FGF14: variants seen among roughly 807,000 people sequenced by gnomAD.
FGF14 encodes fibroblast growth factor 14, also known as fibroblast growth factor homologous factor 4.
FGF14 carries 5 observed loss-of-function variants against 25.5 expected under a neutral mutation model. That is an observed-to-expected ratio of 0.20 (90% CI 0.10 to 0.41). The LOEUF (loss-of-function observed/expected upper bound fraction) is 0.41, where lower values mean the gene tolerates loss of function less well. Ranked by LOEUF, FGF14 falls within the 10% of genes least tolerant of loss-of-function variation. The probability of loss-of-function intolerance (pLI) is 1.00; values close to 1 mark genes in which losing one functional copy is unlikely to be tolerated. For synonymous variants in FGF14, 138 were observed against 118.3 expected, an observed-to-expected ratio of 1.17 and a Z score of -1.08; for missense variants, 222 against 320.1, an observed-to-expected ratio of 0.69 and a Z score of 2.34.
At chr13:102,308,845 T>C (rs1480016056) in intron 1 of FGF14, among the ~76,000 whole-genome samples, 4 of 149,278 alleles carry the variant, frequency 2.7e-5, no homozygotes, top group African/African-American at 4.9e-5. Flanking sequence ...TGGGGTGTTA[T>C]TGGGGGCAGA....
At chr13:101,822,656 G>A (rs1237323743) in intron 3 of FGF14, among the ~76,000 whole-genome samples, 1 of 152,136 alleles carries the variant, frequency 6.6e-6, no homozygotes, top group Non-Finnish European at 1.5e-5. Context: ...ATATGAGCAT[G>A]CATTGTGTAA....
At chr13:101,831,518 C>A (rs992265683) in intron 3 of FGF14, among the ~76,000 whole-genome samples, 45 of 152,198 alleles carry the variant, frequency 3.0e-4, no homozygotes, top group African/African-American at 1.0e-3. Flanking sequence ...AAAAACACTG[C>A]AACATACATT....
chr13:102,188,037 G>C lies in FGF14; in HGVS notation c.208+213434C>G, dbSNP rs187240457. Among the ~76,000 whole-genome samples the C allele has an allele frequency of 3.0e-3, 450 of 152,256 alleles. 10 individuals carry two copies. Among genetic ancestry groups the C allele is most frequent in the Non-Finnish European group, 7.4e-4 (50 of 68,020 alleles). ...TAAATTTAACAAATATTTATAGAGT[G>C]CTTATTTTCTGGAAAATACTGAACA... On this transcript the variant is annotated intron_variant, in intron 1 of 4. Coordinates refer to the FGF14 transcript ENST00000376131.
At chr13:101,797,021 C>G (rs1172575635) in intron 3 of FGF14, among the ~76,000 whole-genome samples, 3 of 151,966 alleles carry the variant, frequency 2.0e-5, no homozygotes, top group Non-Finnish European at 4.4e-5. Context: ...AAAGCCAGAC[C>G]CAGCACCCAA....
intron 1 of FGF14, among the ~76,000 whole-genome samples, chr13:102,039,848 T>C (rs1165985453): frequency 6.6e-6 from 1 of 152,110 alleles, no homozygotes; most frequent in East Asian, 1.9e-4. Context: ...GCTTCCTCAG[T>C]CAGAGAAATC....
At chr13:102,378,311 G>A (rs1264867408) in intron 1 of FGF14, among the ~76,000 whole-genome samples, 1 of 151,838 alleles carries the variant, frequency 6.6e-6, no homozygotes, top group African/African-American at 2.4e-5. Context: ...AGGGTATAAG[G>A]GAAATCTCTA....
At chr13:102,360,770 C>T (rs1170446184) in intron 1 of FGF14, among the ~76,000 whole-genome samples, 1 of 152,078 alleles carries the variant, frequency 6.6e-6, no homozygotes, top group East Asian at 1.9e-4. Flanking sequence ...TGGACTTTTA[C>T]CCTCAGTCAA....
At chr13:102,286,601 TAAATGTATCC>T (rs1293534594) in intron 1 of FGF14, among the ~76,000 whole-genome samples, 1 of 152,190 alleles carries the variant, frequency 6.6e-6, no homozygotes, top group Non-Finnish European at 1.5e-5. Flanking sequence ...ACTTGTTAAA[TAAATGTATCC>T]GTGAATGTCA....
intron 1 of FGF14, among the ~76,000 whole-genome samples, chr13:102,312,962 G>C (rs980065050): frequency 6.6e-6 from 1 of 152,178 alleles, no homozygotes; most frequent in East Asian, 1.9e-4. Flanking sequence ...GGGTAGAGAG[G>C]AGACACAACC....
At chr13:102,147,569 G>A (rs2046905272) in intron 1 of FGF14, among the ~76,000 whole-genome samples, 1 of 152,110 alleles carries the variant, frequency 6.6e-6, no homozygotes, top group Non-Finnish European at 1.5e-5. Flanking sequence ...ATTACTAAAA[G>A]GACAACTTTT....
chr13:102,304,604 T>C (rs1028551885), intron 1 of FGF14, among the ~76,000 whole-genome samples: 1 of 152,166 alleles, frequency 6.6e-6, no homozygotes, highest in African/African-American at 2.4e-5. Flanking sequence ...TCATATCAAA[T>C]AAGATAACCT....
chr13:102,260,182 C>T (rs1248496143), intron 1 of FGF14, among the ~76,000 whole-genome samples: 1 of 152,080 alleles, frequency 6.6e-6, no homozygotes, highest in South Asian at 2.1e-4. Context: ...TGTAACCTTT[C>T]CTTGGGTCAC....
At chr13:101,730,604 T>A (rs1273705430) in intron 3 of FGF14, among the ~76,000 whole-genome samples, 5 of 152,194 alleles carry the variant, frequency 3.3e-5, no homozygotes, top group Non-Finnish European at 7.3e-5. Flanking sequence ...AATTGCACAG[T>A]CATACTTTGT....
chr13:102,374,648 ATAT>A (rs2057987709), intron 1 of FGF14, among the ~76,000 whole-genome samples: 1 of 2,562 alleles, frequency 3.9e-4, no homozygotes, highest in African/African-American at 2.2e-3. Flanking sequence ...CATATTTTAT[ATAT>A]ATATATATAT....
intron 3 of FGF14, among the ~76,000 whole-genome samples, chr13:101,825,721 C>T (rs2042365041): frequency 6.6e-6 from 1 of 151,410 alleles, no homozygotes; most frequent in Non-Finnish European, 1.5e-5. Context: ...ATTTACAAAA[C>T]CTAAAGTAGA....
intron 1 of FGF14, among the ~76,000 whole-genome samples, chr13:101,933,821 G>C (rs889368724): frequency 6.6e-6 from 1 of 151,860 alleles, no homozygotes; most frequent in Non-Finnish European, 1.5e-5. Context: ...CATTAATTTA[G>C]ATAACCAAAT....
intron 1 of FGF14, among the ~76,000 whole-genome samples, chr13:102,309,422 C>A (rs2055606990): frequency 1.3e-5 from 2 of 152,168 alleles, no homozygotes; most frequent in South Asian, 4.1e-4. Context: ...CCTGCACTAA[C>A]CAGCCCTGGG....
At chr13:101,805,458 T>TCTCCCAGGTAAGAAATATAAA (rs2041141669) in intron 3 of FGF14, among the ~76,000 whole-genome samples, 1 of 152,112 alleles carries the variant, frequency 6.6e-6, no homozygotes, top group Admixed American at 6.6e-5. Context: ...TTTCTGAGCT[T>TCTCCCAGGTAAGAAATATAAA]CTCCCAGGTA....
intron 3 of FGF14, among the ~76,000 whole-genome samples, chr13:101,778,113 G>A (rs968943): frequency 0.91 from 139,106 of 152,214 alleles, 64,924 homozygotes; most frequent in East Asian, 1. Context: ...GCTTCAGTCA[G>A]TGAGGCAAAG....
Sources: gnomAD v4.1 joint callset for allele counts (sites outside exome capture counted in the v4.1 genomes callset) on GRCh38, gnomAD v4.1.1 for gene constraint, MANE v1.5 for transcripts, NCBI Gene and HGNC (gene_info 2026-07-23, HGNC 2026-07-21) for gene names.